Variants in RABGAP1L observed in about 807,000 individuals in gnomAD.
RABGAP1L encodes the protein rab GTPase-activating protein 1-like.
A neutral mutation model predicts 137.7 loss-of-function variants in RABGAP1L; 63 were observed. The ratio of observed to expected loss-of-function variants is 0.46; its 90% CI spans 0.37 to 0.56. The LOEUF (loss-of-function observed/expected upper bound fraction) is 0.56, where lower values mean the gene tolerates loss of function less well. RABGAP1L is among the 20% of genes least tolerant of loss of function. The pLI is 0.00. For synonymous variants in RABGAP1L, 431 were observed against 433.7 expected, an observed-to-expected ratio of 0.99 and a Z score of 0.08; for missense variants, 1,095 against 1,244.0, an observed-to-expected ratio of 0.88 and a Z score of 1.80.
rs188685593 is a variant in RABGAP1L at position 174,957,636 on chromosome 1, T to C, written c.2433+87T>C. 8.1e-5 allele frequency: 99 copies of C among 1,217,788 alleles called. No individual in the cohort carries two copies. In the African/African-American group the frequency reaches 1.2e-3, roughly 14 times the overall value. 75.4% of individuals were successfully genotyped at this position (1,217,788 alleles called of 1,614,324 possible). A position where few individuals can be genotyped will look rare whatever the true frequency, so the allele number is the denominator to read the frequency against. On this transcript the variant is annotated intron_variant, in intron 20 of 25. Coordinates refer to ENST00000681986, the MANE Select transcript of RABGAP1L (RefSeq NM_001366446.1). ...CTTGCCGTGTTGCCCAGGCTGGTCT[T>C]GAACACCTGGCCTCAAGCAATCCTC... is the stretch of plus-strand genomic sequence containing the variant.
intron 20 of RABGAP1L, among the ~76,000 whole-genome samples, chr1:174,959,566 G>A (rs971992482): frequency 1.3e-5 from 2 of 152,182 alleles, no homozygotes; most frequent in African/African-American, 4.8e-5. Context: ...AGAGATCAAA[G>A]TAGGATTAAA....
chr1:174,445,508 G>A (rs957047023), intron 13 of RABGAP1L, among the ~76,000 whole-genome samples: 3 of 152,148 alleles, frequency 2.0e-5, no homozygotes, highest in East Asian at 1.9e-4. Flanking sequence ...TGGTACAGTA[G>A]TGTTAGTTCT....
intron 1 of RABGAP1L, among the ~76,000 whole-genome samples, chr1:174,173,665 G>A (rs1665593089): frequency 6.6e-6 from 1 of 150,650 alleles, no homozygotes; most frequent in South Asian, 2.2e-4. Context: ...TTTTCAACAA[G>A]TATTTATTTA....
At chr1:174,908,731 T>TG (rs1659541553) in intron 19 of RABGAP1L, among the ~76,000 whole-genome samples, 1 of 150,830 alleles carries the variant, frequency 6.6e-6, no homozygotes, top group Non-Finnish European at 1.5e-5. Context: ...TTTGTAGAGA[T>TG]GGGGTTTCAC....
At chr1:174,225,494 C>CTTTTTTTTT (rs59323156) in intron 3 of RABGAP1L, among the ~76,000 whole-genome samples, 8 of 105,730 alleles carry the variant, frequency 7.6e-5, no homozygotes, top group African/African-American at 2.8e-4. Flanking sequence ...AGAATGTTGA[C>CTTTTTTTTT]TTTTTTTTTT....
intron 15 of RABGAP1L, among the ~76,000 whole-genome samples, chr1:174,686,461 C>CT (rs1299103615): frequency 6.6e-6 from 1 of 151,962 alleles, no homozygotes; most frequent in African/African-American, 2.4e-5. Context: ...TGTTCCCCTT[C>CT]TAAACCCACT....
intron 18 of RABGAP1L, among the ~76,000 whole-genome samples, chr1:174,799,600 G>C (rs552648192): frequency 4.6e-5 from 7 of 152,172 alleles, no homozygotes; most frequent in African/African-American, 1.7e-4. Flanking sequence ...ACTGATTGAA[G>C]GTAGACTGGG....
intron 19 of RABGAP1L, among the ~76,000 whole-genome samples, chr1:174,916,527 A>G (rs1660908815): frequency 6.6e-6 from 1 of 152,252 alleles, no homozygotes; most frequent in Admixed American, 6.5e-5. Flanking sequence ...ATAGTCACAA[A>G]TATGAAGTTT....
chr1:174,372,170 A>G (rs1195470313), intron 12 of RABGAP1L, among the ~76,000 whole-genome samples: 2 of 152,204 alleles, frequency 1.3e-5, no homozygotes, highest in Non-Finnish European at 2.9e-5. Context: ...TCAACATAAA[A>G]TAATCAAAAG....
At chr1:174,324,814 A>C (rs573800312) in intron 11 of RABGAP1L, among the ~76,000 whole-genome samples, 7 of 152,352 alleles carry the variant, frequency 4.6e-5, no homozygotes, top group African/African-American at 1.7e-4. Context: ...GGTGTTGTCA[A>C]ATAAACAAGG....
chr1:174,178,760 C>T (rs973237624), intron 1 of RABGAP1L, among the ~76,000 whole-genome samples: 28 of 152,154 alleles, frequency 1.8e-4, no homozygotes, highest in Admixed American at 1.6e-3. Flanking sequence ...AATGTTCTCA[C>T]TCATAAGTGG....
intron 1 of RABGAP1L, among the ~76,000 whole-genome samples, chr1:174,164,692 C>A (rs181933097): frequency 1.3e-5 from 2 of 152,210 alleles, no homozygotes; most frequent in African/African-American, 2.4e-5. Context: ...ACATTTATAG[C>A]ACCCCACTGC....
rs546303606 is a variant in RABGAP1L at position 174,210,435 on chromosome 1, G to A, written c.-33-8690G>A. Among the ~76,000 whole-genome samples, 9 of 152,292 alleles carry A rather than the reference G, an allele frequency of 5.9e-5. 1 individual carries two copies. The South Asian group carries it at 1.7e-3, about 28-fold the overall frequency. ...AGCAGAAATTTTGGAATTGAAAAAT[G>A]CTGTTGACACACTGAAGAATGTATT... On this transcript the variant is annotated intron_variant, in intron 1 of 25. Coordinates refer to ENST00000681986, the MANE Select transcript of RABGAP1L (RefSeq NM_001366446.1).
At chr1:174,383,155 C>A (rs1334109309) in intron 12 of RABGAP1L, among the ~76,000 whole-genome samples, 1 of 151,016 alleles carries the variant, frequency 6.6e-6, no homozygotes, top group Non-Finnish European at 1.5e-5. Flanking sequence ...GTTCTCAGAT[C>A]TCCAGCTGCG....
intron 13 of RABGAP1L, among the ~76,000 whole-genome samples, chr1:174,555,011 G>T (rs1490161719): frequency 9.2e-6 from 1 of 108,690 alleles, no homozygotes; most frequent in African/African-American, 6.3e-5. Flanking sequence ...TAAGCAAAAG[G>T]ATGGCTCATC....
At chr1:174,862,112 G>A (rs1050374859) in intron 19 of RABGAP1L, among the ~76,000 whole-genome samples, 2 of 152,126 alleles carry the variant, frequency 1.3e-5, no homozygotes, top group Admixed American at 6.5e-5. Context: ...TCACGTTAAT[G>A]TTTGTTATGG....
intron 14 of RABGAP1L, among the ~76,000 whole-genome samples, chr1:174,673,262 G>A (rs762212115): frequency 1.1e-4 from 17 of 152,100 alleles, no homozygotes; most frequent in Non-Finnish European, 2.4e-4. Context: ...TGAAGAAAAG[G>A]TCATTTCACA....
At chr1:174,750,966 A>C (rs1684294690) in intron 17 of RABGAP1L, among the ~76,000 whole-genome samples, 1 of 152,198 alleles carries the variant, frequency 6.6e-6, no homozygotes, top group African/African-American at 2.4e-5. Flanking sequence ...AATTTTGCTT[A>C]ATTGTAACCC....
chr1:174,399,058 T>G (rs191839029), intron 13 of RABGAP1L, among the ~76,000 whole-genome samples: 7 of 152,324 alleles, frequency 4.6e-5, no homozygotes, highest in African/African-American at 1.7e-4. Context: ...AACATTTTCA[T>G]ACAAACAATA....
Sources: allele counts gnomAD v4.1 joint callset (sites outside exome capture counted in the v4.1 genomes callset), GRCh38; gene constraint gnomAD v4.1.1; transcripts MANE v1.5; gene names NCBI Gene and HGNC (gene_info 2026-07-23, HGNC 2026-07-21).